The following APBA1 variants were observed in gnomAD, a reference collection of about 807,000 sequenced individuals.
The protein encoded by APBA1 is amyloid beta precursor protein binding family A member 1.
In APBA1, 55 loss-of-function variants were observed where a neutral mutation model predicts 86.6. That is an observed-to-expected ratio of 0.64 (90% CI 0.51 to 0.80). The LOEUF (loss-of-function observed/expected upper bound fraction) is 0.80, where lower values mean the gene tolerates loss of function less well. APBA1 is among the 30% of genes least tolerant of loss of function. APBA1 has a pLI of 0.00. For synonymous variants in APBA1, 511 were observed against 493.9 expected (o/e 1.03, Z -0.46); for missense variants, 1,090 against 1,183.0 (o/e 0.92, Z 1.15).
chr9:69,666,371 A>G (rs1028325151), intron 1 of APBA1, among the ~76,000 whole-genome samples: 1 of 152,102 alleles, frequency 6.6e-6, no homozygotes. Context: ...TGACCATACT[A>G]TATAAACTAA....
At chr9:69,618,861 C>G (rs547599607) in intron 1 of APBA1, among the ~76,000 whole-genome samples, 2 of 152,188 alleles carry the variant, frequency 1.3e-5, no homozygotes, top group Non-Finnish European at 2.9e-5. Flanking sequence ...GGATTTACAT[C>G]GTAACCCTGC....
intron 1 of APBA1, among the ~76,000 whole-genome samples, chr9:69,521,930 A>G (rs1033011284): frequency 1.2e-4 from 18 of 152,046 alleles, no homozygotes; most frequent in East Asian, 1.9e-4. Context: ...TTTTATTTCA[A>G]GTGTGGTGGC....
intron 5 of APBA1, chr9:69,464,105 C>G (rs1835237019): frequency 6.5e-6 from 1 of 152,990 alleles, no homozygotes; most frequent in Admixed American, 6.5e-5. Context: ...GCCCAGCCTG[C>G]TCAGGATCAG....
chr9:69,550,089 C>T (rs796224325), intron 1 of APBA1, among the ~76,000 whole-genome samples: 2 of 152,202 alleles, frequency 1.3e-5, no homozygotes, highest in African/African-American at 4.8e-5. Flanking sequence ...GAGATATGTA[C>T]AGTGTTTTCT....
intron 1 of APBA1, among the ~76,000 whole-genome samples, chr9:69,655,340 T>C (rs1344239680): frequency 2.7e-5 from 4 of 150,240 alleles, no homozygotes; most frequent in Non-Finnish European, 4.5e-5. Flanking sequence ...ATGTATATTC[T>C]CAAAGATCTC....
intron 1 of APBA1, among the ~76,000 whole-genome samples, chr9:69,600,003 C>T (rs988929767): frequency 2.0e-4 from 30 of 152,220 alleles, no homozygotes; most frequent in African/African-American, 7.2e-4. Context: ...TCATCTCACA[C>T]CCAGAAACAT....
chr9:69,489,456 C>G (rs1164520042), intron 2 of APBA1, among the ~76,000 whole-genome samples: 1 of 152,048 alleles, frequency 6.6e-6, no homozygotes, highest in Non-Finnish European at 1.5e-5. Flanking sequence ...CCCTTTCTTA[C>G]ACCTTATACA....
chr9:69,442,374 G>A (rs1278712120), intron 10 of APBA1, among the ~76,000 whole-genome samples: 1 of 152,122 alleles, frequency 6.6e-6, no homozygotes, highest in Non-Finnish European at 1.5e-5. Flanking sequence ...TCAGTGGGAA[G>A]CACCTGCCCA....
chr9:69,591,674 C>T (rs1469128404), intron 1 of APBA1, among the ~76,000 whole-genome samples: 1 of 152,176 alleles, frequency 6.6e-6, no homozygotes, highest in African/African-American at 2.4e-5. Flanking sequence ...TTAGCATCTT[C>T]CCTCATTTTC....
chr9:69,459,982 C>T (rs1029848726), intron 5 of APBA1, among the ~76,000 whole-genome samples: 3 of 152,158 alleles, frequency 2.0e-5, no homozygotes, highest in African/African-American at 7.2e-5. Context: ...AGTCAATGGC[C>T]AAACTGCAGA....
At chr9:69,450,463 C>A (rs926729257) in intron 9 of APBA1, among the ~76,000 whole-genome samples, 2 of 152,092 alleles carry the variant, frequency 1.3e-5, no homozygotes, top group African/African-American at 4.8e-5. Context: ...CTAAAAGGTA[C>A]CACACCTCTT....
intron 1 of APBA1, among the ~76,000 whole-genome samples, chr9:69,616,826 T>C (rs1374667271): frequency 6.6e-6 from 1 of 152,160 alleles, no homozygotes; most frequent in Admixed American, 6.5e-5. Flanking sequence ...GCAATGCTTC[T>C]GGAGAAAGAT....
chr9:69,506,510 C>T (rs1209794015), intron 2 of APBA1, among the ~76,000 whole-genome samples: 1 of 62,224 alleles, frequency 1.6e-5, no homozygotes, highest in Non-Finnish European at 3.2e-5. Flanking sequence ...CGCCATTGCC[C>T]GGGCTTGCTT....
At chr9:69,637,888 G>C (rs1051658994) in intron 1 of APBA1, among the ~76,000 whole-genome samples, 4 of 152,164 alleles carry the variant, frequency 2.6e-5, no homozygotes, top group Non-Finnish European at 1.5e-5. Flanking sequence ...AAAAAGGAAG[G>C]CAGGACATAT....
chr9:69,626,738 A>C (rs1822939438), intron 1 of APBA1, among the ~76,000 whole-genome samples: 1 of 152,106 alleles, frequency 6.6e-6, no homozygotes, highest in Non-Finnish European at 1.5e-5. Context: ...TTCAAACCCT[A>C]AGAAAAGAAA....
chr9:69,516,929 G>T lies in APBA1; in HGVS notation c.282C>A (p.Gly94=). 1 of 1,594,006 alleles carries T rather than the reference G, an allele frequency of 6.3e-7. No individual in the cohort carries two copies. The highest frequency in any genetic ancestry group is 1.3e-5 in the African/African-American group (1 of 74,842). The part of the protein sequence containing the change: ...GFHNHTDTAE[G]DVIAAARDGY... ...CGTCGCGGGCCGCGGCGATCACGTC[G>T]CCCTCGGCGGTGTCCGTGTGGTTGT... The change falls in exon 2 of 13, where the codon GGC becomes GGA. Residue 94 remains glycine (G), a synonymous_variant. Coordinates refer to ENST00000265381, the MANE Select transcript of APBA1 (RefSeq NM_001163.4). The surrounding 1 kb of genome is among the most constrained non-coding windows in gnomAD (Gnocchi z 7.3).
intron 2 of APBA1, among the ~76,000 whole-genome samples, chr9:69,492,388 G>C (rs903982360): frequency 2.0e-5 from 3 of 152,088 alleles, no homozygotes; most frequent in Non-Finnish European, 4.4e-5. Flanking sequence ...CAGCCCTCTG[G>C]GAGAGTGCTC....
intron 1 of APBA1, among the ~76,000 whole-genome samples, chr9:69,626,508 C>T (rs1032362344): frequency 1.3e-5 from 2 of 152,042 alleles, no homozygotes; most frequent in African/African-American, 4.8e-5. Flanking sequence ...ACATACTCAT[C>T]GTGTGTATCG....
chr9:69,447,758 C>T (rs1834934976), intron 10 of APBA1, among the ~76,000 whole-genome samples: 1 of 152,192 alleles, frequency 6.6e-6, no homozygotes, highest in Admixed American at 6.5e-5. Context: ...CAGAATGCTG[C>T]CCCGAAGGCT....
Sources: gnomAD v4.1 joint callset for allele counts (sites outside exome capture counted in the v4.1 genomes callset) on GRCh38, gnomAD v4.1.1 for gene constraint, Gnocchi (gnomAD v3.1) non-coding constraint, MANE v1.5 for transcripts, NCBI Gene and HGNC (gene_info 2026-07-23, HGNC 2026-07-21) for gene names.